Variants in PRDM1 observed in about 807,000 individuals in gnomAD.
The protein encoded by PRDM1 is PR/SET domain 1, also known as PR domain zinc finger protein 1.
A neutral mutation model predicts 62.8 loss-of-function variants in PRDM1; 13 were observed. The ratio of observed to expected loss-of-function variants is 0.21; its 90% CI spans 0.13 to 0.33. The LOEUF (loss-of-function observed/expected upper bound fraction) is 0.33. Among genes scored for constraint, PRDM1 ranks in the 10% least tolerant of loss-of-function variants. The pLI is 1.00. For missense variants in PRDM1, 895 were observed against 1,058.8 expected (o/e 0.85, Z 2.15); for synonymous variants, 396 against 417.6 (o/e 0.95, Z 0.63).
At chr6:106,096,521 G>A (rs149442162) in intron 3 of PRDM1, among the ~76,000 whole-genome samples, 36 of 152,332 alleles carry the variant, frequency 2.4e-4, no homozygotes, top group African/African-American at 7.0e-4. Flanking sequence ...GAGGGGAATG[G>A]AGGACCACAG....
chr6:106,074,754 C>T (rs1582451773), intron 1 of PRDM1, among the ~76,000 whole-genome samples: 1 of 152,150 alleles, frequency 6.6e-6, no homozygotes, highest in Admixed American at 6.5e-5. Flanking sequence ...GCGGGCGGAT[C>T]GCTTGAGGCC....
upstream of PRDM1, among the ~76,000 whole-genome samples, chr6:106,043,779 C>T (rs1403321818): frequency 6.6e-6 from 1 of 152,092 alleles, no homozygotes; most frequent in Non-Finnish European, 1.5e-5. Flanking sequence ...AGTGATCCGC[C>T]CGCCTCAGAC....
intron 1 of PRDM1, among the ~76,000 whole-genome samples, chr6:106,038,012 G>GTTTTTTTTTTTT (rs1302119750): frequency 2.9e-4 from 6 of 20,520 alleles, no homozygotes; most frequent in African/African-American, 4.3e-4. Context: ...TGCTATTTTT[G>GTTTTTTTTTTTT]TCTTTTTTTT....
chr6:106,019,253 C>CAAAAA (rs55704256), intron 1 of PRDM1, among the ~76,000 whole-genome samples: 13 of 69,628 alleles, frequency 1.9e-4, no homozygotes, highest in Non-Finnish European at 2.3e-4. Flanking sequence ...GACTCCATCT[C>CAAAAA]AAAAAAAAAA....
chr6:106,044,190 C>CTTTTT (rs1773040425), upstream of PRDM1, among the ~76,000 whole-genome samples: 1 of 138,192 alleles, frequency 7.2e-6, no homozygotes, highest in African/African-American at 2.7e-5. Flanking sequence ...TCCTTTTTTT[C>CTTTTT]TTTCTTTTTT....
At chr6:106,042,537 A>AC (rs1446753506) in intron 1 of PRDM1, among the ~76,000 whole-genome samples, 1 of 151,090 alleles carries the variant, frequency 6.6e-6, no homozygotes, top group Non-Finnish European at 1.5e-5. Flanking sequence ...CAAAAAAAAA[A>AC]AACAAACAAA....
At chr6:106,071,446 A>G (rs760434763) in intron 1 of PRDM1, among the ~76,000 whole-genome samples, 5 of 152,178 alleles carry the variant, frequency 3.3e-5, no homozygotes, top group Admixed American at 2.6e-4. Flanking sequence ...ATAAAAATTA[A>G]TACAGGAAGA....
At chr6:106,028,321 T>A (rs1444616856) in intron 1 of PRDM1, among the ~76,000 whole-genome samples, 1 of 152,242 alleles carries the variant, frequency 6.6e-6, no homozygotes, top group Non-Finnish European at 1.5e-5. Context: ...AGAATTTTAA[T>A]GTTGGACCTT....
At chr6:106,097,864 C>T (rs905287394) in intron 3 of PRDM1, among the ~76,000 whole-genome samples, 1 of 152,174 alleles carries the variant, frequency 6.6e-6, no homozygotes, top group Admixed American at 6.5e-5. Flanking sequence ...CTTGAAAACC[C>T]CTCTTGATAG....
intron 1 of PRDM1, among the ~76,000 whole-genome samples, chr6:106,021,256 T>G (rs1772693463): frequency 1.3e-5 from 2 of 152,218 alleles, no homozygotes; most frequent in African/African-American, 2.4e-5. Context: ...TCTAGTTTCC[T>G]ATGTTTGGGT....
intron 1 of PRDM1, among the ~76,000 whole-genome samples, chr6:106,070,571 G>C (rs553838522): frequency 7.0e-6 from 1 of 143,694 alleles, no homozygotes; most frequent in African/African-American, 2.5e-5. Context: ...ATTTCTATAA[G>C]TATAATCATT....
chr6:106,073,461 A>G (rs1297095136), intron 1 of PRDM1, among the ~76,000 whole-genome samples: 1 of 152,180 alleles, frequency 6.6e-6, no homozygotes, highest in Non-Finnish European at 1.5e-5. Context: ...GTATCATCAT[A>G]TATCATATTA....
At position 106,023,536 on chromosome 6, in the gene PRDM1, G is replaced by A. The variant is rs80267846; in HGVS notation, c.-67+29897G>A. ...TCTGACCAGCCCTCCCCTCCTCTAGGAAGCTTTACTAAATTAGGCAATGGA... is the reference window on the plus strand; with the variant it reads ...TCTGACCAGCCCTCCCCTCCTCTAGAAAGCTTTACTAAATTAGGCAATGGA... On this transcript the variant is annotated intron_variant, in intron 1 of 6. Coordinates refer to the PRDM1 transcript ENST00000652320. 3.5e-3 allele frequency among the ~76,000 whole-genome samples: 526 copies of A among 152,170 alleles called. 2 individuals carry two copies. The highest frequency in any genetic ancestry group is 5.4e-3 in the Non-Finnish European group (365 of 68,002).
intron 1 of PRDM1, among the ~76,000 whole-genome samples, chr6:106,034,177 C>T (rs1772890518): frequency 6.6e-6 from 1 of 151,818 alleles, no homozygotes; most frequent in Non-Finnish European, 1.5e-5. Flanking sequence ...AGATTTGCCC[C>T]TTTTTTGGTT....
At chr6:106,063,009 G>A (rs752274860) in intron 1 of PRDM1, among the ~76,000 whole-genome samples, 19 of 152,166 alleles carry the variant, frequency 1.2e-4, no homozygotes, top group African/African-American at 3.4e-4. Context: ...TAGGAATGGC[G>A]GGGTGATTCG....
chr6:106,099,200 A>G (rs558003480), intron 3 of PRDM1, 100 bp from the exon 4 acceptor site: 1 of 1,601,348 alleles, frequency 6.2e-7, no homozygotes, highest in Non-Finnish European at 8.6e-7. Context: ...GCAGTAGGGG[A>G]TCAGAAATCA....
intron 1 of PRDM1, among the ~76,000 whole-genome samples, chr6:105,995,449 A>G (rs2114537169): frequency 6.6e-6 from 1 of 152,364 alleles, no homozygotes; most frequent in Non-Finnish European, 1.5e-5. Context: ...ACAAAAGGAA[A>G]AGGTGTTTTA....
At chr6:106,070,583 G>T (rs1773494640) in intron 1 of PRDM1, among the ~76,000 whole-genome samples, 1 of 124,406 alleles carries the variant, frequency 8.0e-6, no homozygotes, top group Non-Finnish European at 1.7e-5. Flanking sequence ...ATAATCATTT[G>T]GTCAAAGGTT....
intron 1 of PRDM1, among the ~76,000 whole-genome samples, chr6:106,068,987 A>G (rs535518236): frequency 3.9e-5 from 6 of 152,084 alleles, no homozygotes; most frequent in South Asian, 2.1e-4. Context: ...CTGATGGTCT[A>G]TCTAGTGGTG....
Sources: allele counts gnomAD v4.1 joint callset (sites outside exome capture counted in the v4.1 genomes callset), GRCh38; gene constraint gnomAD v4.1.1; transcripts MANE v1.5; gene names NCBI Gene and HGNC (gene_info 2026-07-23, HGNC 2026-07-21).